Variants in UNC13C observed in about 807,000 individuals in gnomAD.
UNC13C encodes the protein protein unc-13 homolog C.
A neutral mutation model predicts 245.4 loss-of-function variants in UNC13C; 174 were observed. That is an observed-to-expected ratio of 0.71 (90% confidence interval 0.63 to 0.80). The LOEUF is 0.80. Ranked by LOEUF, UNC13C falls within the 30% of genes least tolerant of loss-of-function variation. The pLI, the probability that UNC13C is intolerant of heterozygous loss-of-function variation, is 0.00. For missense variants in UNC13C, 2,829 were observed against 2,602.9 expected (o/e 1.09, Z -1.89); for synonymous variants, 992 against 895.1 (o/e 1.11, Z -1.93).
chr15:54,248,019 T>C (rs534101151), intron 7 of UNC13C, among the ~76,000 whole-genome samples: 61 of 152,288 alleles, frequency 4.0e-4, no homozygotes, highest in African/African-American at 1.4e-3. Context: ...CATAGGGAAT[T>C]AGATCATATA....
At chr15:54,156,959 C>T (rs866474926) in intron 4 of UNC13C, among the ~76,000 whole-genome samples, 59 of 151,908 alleles carry the variant, frequency 3.9e-4, no homozygotes, top group African/African-American at 1.4e-3. Context: ...GTTCTCATTA[C>T]TCTGTGTGTG....
chr15:54,260,697 A>G (rs1394266883), intron 8 of UNC13C, among the ~76,000 whole-genome samples: 1 of 148,430 alleles, frequency 6.7e-6, no homozygotes, highest in Non-Finnish European at 1.5e-5. Flanking sequence ...AAGAAGTTAT[A>G]TATAGTCATA....
At chr15:54,111,201 C>T (rs933215038) in intron 2 of UNC13C, among the ~76,000 whole-genome samples, 1 of 152,222 alleles carries the variant, frequency 6.6e-6, no homozygotes, top group East Asian at 1.9e-4. Flanking sequence ...GGACAATAGA[C>T]ATCAAAGGCT....
intron 30 of UNC13C, among the ~76,000 whole-genome samples, chr15:54,596,894 C>T (rs1566930713): frequency 6.6e-6 from 1 of 152,146 alleles, no homozygotes; most frequent in African/African-American, 2.4e-5. Flanking sequence ...TGGTGCCATG[C>T]TTGTATAGCC....
At chr15:54,219,990 C>T (rs868675674) in intron 4 of UNC13C, among the ~76,000 whole-genome samples, 18,300 of 128,236 alleles carry the variant, frequency 0.14, 2,487 homozygotes, top group African/African-American at 0.37. Flanking sequence ...ACTTTTACAC[C>T]GTTGGTGGGA....
At chr15:54,187,277 G>C (rs567319467) in intron 4 of UNC13C, among the ~76,000 whole-genome samples, 1 of 152,030 alleles carries the variant, frequency 6.6e-6, no homozygotes, top group South Asian at 2.1e-4. Context: ...GTCTTAATTG[G>C]CATTTCTACA....
intron 14 of UNC13C, 27 bp from the exon 15 acceptor site, chr15:54,332,016 C>T (rs751698340): frequency 4.0e-6 from 6 of 1,489,462 alleles, no homozygotes; most frequent in Non-Finnish European, 5.5e-6. Context: ...TATTTCCATT[C>T]TCCTATTTTG....
chr15:54,548,982 G>T (rs1388900544), intron 27 of UNC13C, among the ~76,000 whole-genome samples: 1 of 152,024 alleles, frequency 6.6e-6, no homozygotes, highest in Non-Finnish European at 1.5e-5. Context: ...GATAACATTT[G>T]TTCAGAATAG....
the UNC13C span, chr15:53,972,541 G>C: frequency 6.6e-6 from 1 of 152,092 alleles, no homozygotes; most frequent in Non-Finnish European, 1.5e-5. Flanking sequence ...TATGATTCTT[G>C]GTTATAACAA....
chr15:54,390,905 T>C (rs1041813283), intron 17 of UNC13C, among the ~76,000 whole-genome samples: 2 of 140,074 alleles, frequency 1.4e-5, no homozygotes, highest in Non-Finnish European at 3.3e-5. Context: ...TGGTTTATGA[T>C]AGTATTGTGT....
At chr15:54,070,460 A>C (rs908560970) in intron 2 of UNC13C, among the ~76,000 whole-genome samples, 1 of 152,206 alleles carries the variant, frequency 6.6e-6, no homozygotes, top group Non-Finnish European at 1.5e-5. Flanking sequence ...GTAAAAGCAG[A>C]AGGAATGGAA....
At chr15:54,407,555 A>C (rs1026424183) in intron 18 of UNC13C, among the ~76,000 whole-genome samples, 1 of 152,338 alleles carries the variant, frequency 6.6e-6, no homozygotes, top group East Asian at 1.9e-4. Context: ...TTAAAGAAAG[A>C]AACTTTGCAT....
At chr15:53,998,674 A>G (rs1475545901) in intron 1 of UNC13C, among the ~76,000 whole-genome samples, 1 of 152,158 alleles carries the variant, frequency 6.6e-6, no homozygotes, top group Non-Finnish European at 1.5e-5. Context: ...GAGAGTGGAT[A>G]TACCAAGCTT....
At chr15:54,613,055 T>A (rs1900208035) in intron 30 of UNC13C, among the ~76,000 whole-genome samples, 1 of 151,900 alleles carries the variant, frequency 6.6e-6, no homozygotes, top group Admixed American at 6.6e-5. Flanking sequence ...ACAAGAGACT[T>A]CTAAACAATT....
chr15:54,481,527 C>G (rs528018241), intron 19 of UNC13C, among the ~76,000 whole-genome samples: 1 of 152,242 alleles, frequency 6.6e-6, no homozygotes, highest in South Asian at 2.1e-4. Context: ...GGATCAGTCC[C>G]CAGGTCCAGG....
the UNC13C span, among the ~76,000 whole-genome samples, chr15:53,944,917 C>T: frequency 6.6e-6 from 1 of 152,166 alleles, no homozygotes; most frequent in Admixed American, 6.5e-5. Flanking sequence ...TGCAACTTTA[C>T]CAGCATCTGT....
chr15:54,312,234 G>A (rs1200774317), intron 13 of UNC13C, among the ~76,000 whole-genome samples: 1 of 151,714 alleles, frequency 6.6e-6, no homozygotes, highest in Non-Finnish European at 1.5e-5. Flanking sequence ...GTGTGTGTGT[G>A]TGTGTTGAAA....
chr15:54,104,622 G>T (rs1392447955), intron 2 of UNC13C, among the ~76,000 whole-genome samples: 1 of 151,728 alleles, frequency 6.6e-6, no homozygotes, highest in Non-Finnish European at 1.5e-5. Flanking sequence ...TTTTCTGATA[G>T]TTAAATTTTA....
chr15:54,553,135 A>ACT (rs1175699041), intron 28 of UNC13C, among the ~76,000 whole-genome samples: 5 of 92,560 alleles, frequency 5.4e-5, no homozygotes, highest in Non-Finnish European at 9.5e-5. Flanking sequence ...TATAATATAT[A>ACT]GTATTCTATA....
Sources: allele counts gnomAD v4.1 joint callset (sites outside exome capture counted in the v4.1 genomes callset), GRCh38; gene constraint gnomAD v4.1.1; transcripts MANE v1.5; gene names NCBI Gene and HGNC (gene_info 2026-07-23, HGNC 2026-07-21).